The following ITSN2 variants were observed in gnomAD, a reference collection of about 807,000 sequenced individuals.
The protein encoded by ITSN2 is intersectin 2.
Under a neutral mutation model 243.7 loss-of-function variants are expected in ITSN2, and 156 were observed. The ratio of observed to expected loss-of-function variants is 0.64; its 90% CI spans 0.56 to 0.73. The LOEUF (loss-of-function observed/expected upper bound fraction) is 0.73, where lower values mean the gene tolerates loss of function less well. Ranked by LOEUF, ITSN2 falls within the 30% of genes least tolerant of loss-of-function variation. The pLI, the probability that ITSN2 is intolerant of heterozygous loss-of-function variation, is 0.00. For missense variants in ITSN2, 1,801 were observed against 1,996.1 expected (o/e 0.90, Z 1.86); for synonymous variants, 703 against 699.9 (o/e 1.00, Z -0.07).
At chr2:24,275,111 T>A (rs565874385) in intron 18 of ITSN2, among the ~76,000 whole-genome samples, 13 of 152,368 alleles carry the variant, frequency 8.5e-5, no homozygotes, top group Admixed American at 2.0e-4. Flanking sequence ...CAATTAAGTA[T>A]TCTGCTTTTA....
chr2:24,336,222 A>G (rs1686358372), intron 1 of ITSN2, among the ~76,000 whole-genome samples: 1 of 148,094 alleles, frequency 6.8e-6, no homozygotes, highest in Non-Finnish European at 1.5e-5. Context: ...AGCCTGGGCC[A>G]CAGAGCGAGA....
chr2:24,246,856 G>T lies in ITSN2; in HGVS notation c.3326C>A (p.Ala1109Asp). 1.2e-6 allele frequency: 2 copies of T among 1,613,110 alleles called. No individual in the cohort carries two copies. Among genetic ancestry groups the T allele is most frequent in the Non-Finnish European group, 1.7e-6 (2 of 1,179,418 alleles). Residue 1109 changes from alanine (A) to aspartate (D), a missense_variant, in exon 28 of 40, where the codon GCC (alanine) becomes GAC (aspartate). Around this residue, in one of 5 missense-constraint regions of ITSN2, gnomAD observed 928 missense variants for 1,065.4 expected, o/e 0.87. Coordinates refer to ENST00000355123, the MANE Select transcript of ITSN2 (RefSeq NM_006277.3). ...TGGACCCAAAAGTTTAACATGACTG[G>T]CAGGAAACCATCCTTTCTGTCGCTT... ...GKKRQKGWFPASHVKLLGPSS... is the reference protein window; with the variant it reads ...GKKRQKGWFPDSHVKLLGPSS...
intron 24 of ITSN2, among the ~76,000 whole-genome samples, chr2:24,254,058 C>G (rs994073392): frequency 3.3e-5 from 5 of 152,080 alleles, no homozygotes; most frequent in African/African-American, 1.2e-4. Context: ...ATTTCCTTAC[C>G]TCCTAAACAT....
intron 29 of ITSN2, among the ~76,000 whole-genome samples, chr2:24,221,906 A>G (rs142728358): frequency 8.2e-4 from 125 of 152,366 alleles, no homozygotes; most frequent in African/African-American, 2.9e-3. Flanking sequence ...GGGCTTGCCT[A>G]TACACAGTGA....
chr2:24,211,065 G>A lies in ITSN2; in HGVS notation c.4090-118C>T, dbSNP rs376271070. ...TGGACTGCTTCCATGCCCTGGAAAC[G>A]CGGCGGTGAACAAGACGACACTTTC... On this transcript the variant is annotated intron_variant, in intron 33 of 39. Coordinates refer to ENST00000355123, the MANE Select transcript of ITSN2 (RefSeq NM_006277.3). The surrounding 1 kb of genome is among the most constrained non-coding windows in gnomAD (Gnocchi z 4.1). 6.4e-5 allele frequency: 60 copies of A among 931,304 alleles called. No homozygotes were observed. Among genetic ancestry groups the A allele is most frequent in the South Asian group, 6.4e-4 (39 of 61,176 alleles). 57.7% of individuals were successfully genotyped at this position (931,304 alleles called of 1,614,324 possible).
At chr2:24,322,975 T>C (rs904640551) in intron 2 of ITSN2, among the ~76,000 whole-genome samples, 1 of 151,774 alleles carries the variant, frequency 6.6e-6, no homozygotes, top group African/African-American at 2.4e-5. Flanking sequence ...TCAATATCAC[T>C]ATCATCAGGG....
At chr2:24,291,033 T>C (rs1467242789) in intron 15 of ITSN2, among the ~76,000 whole-genome samples, 1 of 152,176 alleles carries the variant, frequency 6.6e-6, no homozygotes, top group Non-Finnish European at 1.5e-5. Context: ...AATATATAAA[T>C]TAGGAGAGAA....
At chr2:24,341,310 T>C (rs1056930503) in intron 1 of ITSN2, among the ~76,000 whole-genome samples, 2 of 152,190 alleles carry the variant, frequency 1.3e-5, no homozygotes, top group East Asian at 3.9e-4. Context: ...CCAGATTTCG[T>C]AGTCATTAGG....
At chr2:24,270,858 A>C (rs1459041546) in intron 19 of ITSN2, 90 bp from the exon 20 acceptor site, 1 of 683,374 alleles carries the variant, frequency 1.5e-6, no homozygotes, top group African/African-American at 1.8e-5. Flanking sequence ...TAAAAGAAAA[A>C]ATCAAGCACC....
rs536920227 is a variant in ITSN2 at position 24,274,755 on chromosome 2, C to T, written c.2081+958G>A. Among the ~76,000 whole-genome samples the T allele has an allele frequency of 1.5e-3, 226 of 152,234 alleles. 1 individual carries two copies. Among genetic ancestry groups the T allele is most frequent in the African/African-American group, 5.1e-3 (213 of 41,544 alleles). ...GAAACCATTAAGAATAGAGGCCTGC[C>T]AAATGGTAATGTGTCTTCCTTGCCT... On this transcript the variant is annotated intron_variant, in intron 18 of 39. Transcript: ENST00000355123.
chr2:24,359,728 A>C (rs1452870806), intron 1 of ITSN2, among the ~76,000 whole-genome samples: 1 of 152,194 alleles, frequency 6.6e-6, no homozygotes, highest in Non-Finnish European at 1.5e-5. Context: ...ATAACGCTGA[A>C]GGTAAATTTA....
intron 15 of ITSN2, among the ~76,000 whole-genome samples, chr2:24,290,172 C>T (rs1208186069): frequency 6.6e-6 from 1 of 152,166 alleles, no homozygotes; most frequent in Non-Finnish European, 1.5e-5. Flanking sequence ...CTGTTATCAA[C>T]TTATGCCACC....
intron 29 of ITSN2, among the ~76,000 whole-genome samples, chr2:24,230,316 G>A (rs750603136): frequency 2.0e-5 from 3 of 152,082 alleles, no homozygotes; most frequent in Admixed American, 1.3e-4. Context: ...CTTCTCACAC[G>A]TCCCCCATGG....
At chr2:24,262,066 G>T (rs1675969250) in intron 20 of ITSN2, among the ~76,000 whole-genome samples, 1 of 151,856 alleles carries the variant, frequency 6.6e-6, no homozygotes, top group African/African-American at 2.4e-5. Context: ...CATTCTTCCT[G>T]GTTTCTTCTA....
At chr2:24,222,425 A>T (rs922584885) in intron 29 of ITSN2, among the ~76,000 whole-genome samples, 10 of 152,114 alleles carry the variant, frequency 6.6e-5, no homozygotes, top group African/African-American at 2.2e-4. Context: ...CCACAAACTT[A>T]CATAAAGGCC....
chr2:24,205,696 G>A (rs548008744), intron 37 of ITSN2: 12 of 216,666 alleles, frequency 5.5e-5, no homozygotes, highest in African/African-American at 2.2e-4. Flanking sequence ...GGACTGTTTC[G>A]ATCATCCTTA....
intron 20 of ITSN2, among the ~76,000 whole-genome samples, chr2:24,266,918 C>G (rs1676721847): frequency 1.3e-5 from 2 of 151,954 alleles, no homozygotes; most frequent in Admixed American, 1.3e-4. Context: ...GCCTGGGTAA[C>G]AGATTGAGAC....
At chr2:24,308,387 A>C (rs1244947831) in intron 8 of ITSN2, among the ~76,000 whole-genome samples, 1 of 152,232 alleles carries the variant, frequency 6.6e-6, no homozygotes, top group Non-Finnish European at 1.5e-5. Context: ...AGTTGGGGGT[A>C]TATCTGGTGC....
At chr2:24,323,555 T>C (rs183848402) in intron 2 of ITSN2, among the ~76,000 whole-genome samples, 1 of 152,322 alleles carries the variant, frequency 6.6e-6, no homozygotes, top group African/African-American at 2.4e-5. Context: ...TGATTAGTGG[T>C]TGCCAATAAT....
Sources: allele counts gnomAD v4.1 joint callset (sites outside exome capture counted in the v4.1 genomes callset), GRCh38; gene constraint gnomAD v4.1.1; regional missense constraint gnomAD v4.1.1; non-coding constraint Gnocchi (gnomAD v3.1); transcripts MANE v1.5; gene names NCBI Gene and HGNC (gene_info 2026-07-23, HGNC 2026-07-21).